The following OSBP2 variants were observed in gnomAD, a reference collection of about 807,000 sequenced individuals.
OSBP2 encodes the protein oxysterol binding protein 2.
A neutral mutation model predicts 96.0 loss-of-function variants in OSBP2; 66 were observed. The observed-to-expected ratio is 0.69, with a 90% CI of 0.56 to 0.84. The LOEUF is 0.84. Ranked by LOEUF, OSBP2 falls within the 40% of genes least tolerant of loss-of-function variation. OSBP2 has a pLI of 0.00. For synonymous variants in OSBP2, 525 were observed against 520.9 expected (o/e 1.01, Z -0.11); for missense variants, 1,038 against 1,222.7 (o/e 0.85, Z 2.25).
chr22:30,741,442 C>T (rs1267921953), intron 2 of OSBP2, 73 bp downstream of exon 2: 1 of 1,300,084 alleles, frequency 7.7e-7, no homozygotes, highest in African/African-American at 1.4e-5. Context: ...AATTGCAAGC[C>T]ACTGGTGGGC....
At chr22:30,736,188 A>G (rs2089852613) in intron 1 of OSBP2, among the ~76,000 whole-genome samples, 1 of 152,224 alleles carries the variant, frequency 6.6e-6, no homozygotes, top group Admixed American at 6.5e-5. Context: ...TGCTGGGATT[A>G]CAGGTGTGAG....
chr22:30,783,761 A>G (rs1247372378), intron 2 of OSBP2, among the ~76,000 whole-genome samples: 1 of 152,240 alleles, frequency 6.6e-6, no homozygotes, highest in Non-Finnish European at 1.5e-5. Flanking sequence ...ATTTCTTAGA[A>G]ATAGAAAAAC....
At chr22:30,846,237 C>T (rs2038867973) in intron 2 of OSBP2, among the ~76,000 whole-genome samples, 1 of 152,040 alleles carries the variant, frequency 6.6e-6, no homozygotes, top group Admixed American at 6.6e-5. Flanking sequence ...ACCTCTGCCT[C>T]CCAGGTTCAA....
At chr22:30,886,048 ACT>A (rs1405711330) in intron 3 of OSBP2, among the ~76,000 whole-genome samples, 1 of 152,168 alleles carries the variant, frequency 6.6e-6, no homozygotes, top group Non-Finnish European at 1.5e-5. Context: ...ACAAAAACAG[ACT>A]CTGCAAAATA....
chr22:30,902,126 G>GAA (rs35391426), intron 12 of OSBP2: 2,153 of 124,568 alleles, frequency 0.017, 12 homozygotes, highest in South Asian at 0.022. Context: ...AAAAAAAAAC[G>GAA]AAAAAAAAAA....
intron 2 of OSBP2, among the ~76,000 whole-genome samples, chr22:30,821,939 GTGGAGTTGTGTTCAAAGGCC>G (rs1286788250): frequency 6.6e-6 from 1 of 152,396 alleles, no homozygotes; most frequent in Non-Finnish European, 1.5e-5. Flanking sequence ...CAGCTGGACA[GTGGAGTTGTGTTCAAAGGCC>G]TGGGCAAATA....
intron 2 of OSBP2, among the ~76,000 whole-genome samples, chr22:30,779,512 T>G (rs2090485659): frequency 6.6e-6 from 1 of 152,040 alleles, no homozygotes; most frequent in East Asian, 1.9e-4. Context: ...GGGCTCATGT[T>G]TTTTGGATGG....
At chr22:30,858,243 T>A (rs542280871) in intron 2 of OSBP2, among the ~76,000 whole-genome samples, 68 of 150,024 alleles carry the variant, frequency 4.5e-4, no homozygotes, top group Non-Finnish European at 8.9e-4. Flanking sequence ...GCTTCCCGGG[T>A]TCACGCCATT....
chr22:30,784,492 C>G (rs2145814102), intron 2 of OSBP2, among the ~76,000 whole-genome samples: 1 of 151,996 alleles, frequency 6.6e-6, no homozygotes, highest in Non-Finnish European at 1.5e-5. Context: ...GTCCTGGGCT[C>G]AAGTGATCCC....
intron 2 of OSBP2, among the ~76,000 whole-genome samples, chr22:30,786,798 G>GTGTTT (rs955283803): frequency 2.4e-4 from 36 of 152,032 alleles, no homozygotes; most frequent in Middle Eastern, 3.4e-3. Context: ...ATCAGGAAAG[G>GTGTTT]TGTTTTGTTT....
chr22:30,731,945 G>T (rs994689609), intron 1 of OSBP2, among the ~76,000 whole-genome samples: 1 of 152,180 alleles, frequency 6.6e-6, no homozygotes. Flanking sequence ...TGATGTTTGC[G>T]CTGAGTGGTC....
chr22:30,770,036 G>A (rs136329), intron 2 of OSBP2, among the ~76,000 whole-genome samples: 115,829 of 151,368 alleles, frequency 0.77, 45,355 homozygotes, highest in African/African-American at 0.93. Flanking sequence ...TCCCCTGCAC[G>A]TGCTCTCTTG....
intron 3 of OSBP2, among the ~76,000 whole-genome samples, chr22:30,883,264 G>A (rs140213317): frequency 3.2e-4 from 48 of 152,332 alleles, no homozygotes; most frequent in Non-Finnish European, 6.2e-4. Flanking sequence ...CAAGGGGATC[G>A]TGCCTTGTGT....
At chr22:30,828,170 A>G (rs1434748149) in intron 2 of OSBP2, among the ~76,000 whole-genome samples, 5 of 152,262 alleles carry the variant, frequency 3.3e-5, no homozygotes, top group African/African-American at 1.2e-4. Context: ...GCTAAATGCC[A>G]GATGGAGGTC....
chr22:30,901,427 T>C (rs2040191525), intron 12 of OSBP2, among the ~76,000 whole-genome samples: 1 of 151,892 alleles, frequency 6.6e-6, no homozygotes. Flanking sequence ...TGTGCAAGAG[T>C]CATGAACAAG....
chr22:30,893,880 G>A lies in OSBP2; in HGVS notation c.2254G>A (p.Glu752Lys). The stretch of plus-strand genomic sequence containing the variant: ...TTACGTGCTGTCCGGCTCGTGGGAT[G>A]AACAAATGGAGTGCTCCAAGGTCAT... Reference protein sequence around the residue: ...AHYVLSGSWDEQMECSKVMHS... With the variant: ...AHYVLSGSWDKQMECSKVMHS... Residue 752 changes from glutamate (E) to lysine (K), a missense_variant, in exon 12 of 14, where the codon GAA (glutamate) becomes AAA (lysine). This residue lies in a region of OSBP2 where 737 missense variants were observed against 913.3 expected (regional missense o/e 0.81). Coordinates refer to ENST00000332585, the MANE Select transcript of OSBP2 (RefSeq NM_030758.4). 1.9e-6 allele frequency: 3 copies of A among 1,583,628 alleles called. No individual in the cohort carries two copies. The highest frequency in any genetic ancestry group is 2.6e-6 in the Non-Finnish European group (3 of 1,164,686).
At chr22:30,822,827 G>A (rs2038309988) in intron 2 of OSBP2, 1 of 857,310 alleles carries the variant, frequency 1.2e-6, no homozygotes, top group Non-Finnish European at 1.6e-6. Context: ...CTCCCTCGCG[G>A]CGTGGGGAGC....
At position 30,721,265 on chromosome 22, in the gene OSBP2, AAAC is replaced by A. The variant is rs753243565; in HGVS notation, c.645-19893_645-19891del. On this transcript the variant is annotated intron_variant, in intron 1 of 13. Transcript: ENST00000332585. Reference sequence around the variant, plus strand: ...AACCAAAACAAAACAAAAAAACAACAAACAAACAAACCCAAAAGACAAATGGTG... The same window carrying A: ...AACCAAAACAAAACAAAAAAACAACAAAACAAACCCAAAAGACAAATGGTG... Among the ~76,000 whole-genome samples, 199 of 152,170 alleles carry A rather than the reference AAAC, an allele frequency of 1.3e-3. 1 individual carries two copies. The East Asian group carries it at 0.028, about 21-fold the overall frequency.
upstream of OSBP2, chr22:30,693,941 G>T: frequency 1.1e-6 from 1 of 875,274 alleles, no homozygotes; most frequent in African/African-American, 1.7e-5. Context: ...TTCCAGCCTG[G>T]GCTACCGAGT....
Sources: allele counts gnomAD v4.1 joint callset (sites outside exome capture counted in the v4.1 genomes callset), GRCh38; gene constraint gnomAD v4.1.1; regional missense constraint gnomAD v4.1.1; transcripts MANE v1.5; gene names NCBI Gene and HGNC (gene_info 2026-07-23, HGNC 2026-07-21).